The following TNC variants were observed in gnomAD, a reference collection of about 807,000 sequenced individuals.
TNC encodes tenascin.
A neutral mutation model predicts 202.4 loss-of-function variants in TNC; 109 were observed. That is an observed-to-expected ratio of 0.54 (90% confidence interval 0.46 to 0.63). TNC has a LOEUF of 0.63. Among genes scored for constraint, TNC ranks in the 30% least tolerant of loss-of-function variants. The pLI, the probability that TNC is intolerant of heterozygous loss-of-function variation, is 0.00. For missense variants in TNC, 2,756 were observed against 2,833.3 expected (o/e 0.97, Z 0.62); for synonymous variants, 1,007 against 1,089.7 (o/e 0.92, Z 1.50).
chr9:115,052,694 T>A, intron 15 of TNC: 1 of 662,288 alleles, frequency 1.5e-6, no homozygotes. Context: ...ATGACTTATC[T>A]CCTTTTCTCT....
chr9:115,068,808 G>A (rs549443707), intron 10 of TNC, among the ~76,000 whole-genome samples: 3 of 152,212 alleles, frequency 2.0e-5, no homozygotes, highest in East Asian at 1.9e-4. Context: ...CACTTGCCCA[G>A]CCCCTTTTCT....
chr9:115,052,632 G>C, intron 15 of TNC: 1 of 601,680 alleles, frequency 1.7e-6, no homozygotes, highest in African/African-American at 1.8e-5. Context: ...TTAAAAATAA[G>C]AGAGTACACA....
rs377332436 is a variant in TNC at position 115,084,374 on chromosome 9, A to G, written c.1966T>C (p.Tyr656His). 4 of 1,614,094 alleles carry G rather than the reference A, an allele frequency of 2.5e-6. No individual in the cohort carries two copies. In the African/African-American group the frequency reaches 5.3e-5, roughly 22 times the overall value. ...EMRVTEYLVV[Y>H]TPTHEGGLEM... ...AGACCACCCTCGTGGGTGGGCGTGTACACGACAAGGTACTCTGTGACCCGC... is the reference window on the plus strand; with the variant it reads ...AGACCACCCTCGTGGGTGGGCGTGTGCACGACAAGGTACTCTGTGACCCGC... The change falls in exon 4 of 28, where the codon TAC (tyrosine) becomes CAC (histidine). Residue 656 changes from tyrosine (Y) to histidine (H), a missense_variant. Transcript: ENST00000350763.
In TNC at chr9:115,063,835, C is replaced by A. The variant is rs1456236520; in HGVS notation, c.3721G>T (p.Asp1241Tyr). The change falls in exon 12 of 28, where the codon GAC (aspartate) becomes TAC (tyrosine). Residue 1241 changes from aspartate to tyrosine, a missense_variant. Asp to Tyr is a radical substitution (Grantham distance 160). Around this residue, in one of 2 missense-constraint regions of TNC, gnomAD observed 2,559 missense variants for 2,546.0 expected, o/e 1.01. Coordinates refer to ENST00000350763, the MANE Select transcript of TNC (RefSeq NM_002160.4). ...YTITIRGVTQ[D>Y]FSTTPLSVEV... is the part of the protein sequence containing the mutation. ...ACAGAGAGAGGGGTTGTGCTGAAGT[C>A]CTGAGTGACCCCGCGGATGGTGATG... 9.3e-6 allele frequency: 15 copies of A among 1,614,106 alleles called. No homozygotes were observed. Among genetic ancestry groups the A allele is most frequent in the Non-Finnish European group, 1.2e-5 (14 of 1,179,982 alleles).
chr9:115,095,784 A>G (rs1220650705), intron 1 of TNC, among the ~76,000 whole-genome samples: 4 of 148,542 alleles, frequency 2.7e-5, no homozygotes, highest in African/African-American at 7.4e-5. Context: ...ATGTAACATA[A>G]TATTACATAT....
In TNC at chr9:115,073,734, C is replaced by G. The variant is rs765715550; in HGVS notation, c.3083G>C (p.Gly1028Ala). 5 of 1,614,024 alleles carry G rather than the reference C, an allele frequency of 3.1e-6. No homozygotes were observed. Among genetic ancestry groups the G allele is most frequent in the Non-Finnish European group, 4.2e-6 (5 of 1,180,030 alleles). ...NYSLPTGQWV[G>A]VQLPRNTTSY... The stretch of plus-strand genomic sequence containing the variant: ...AGTGGTGTTTCTTGGAAGCTGCACT[C>G]CCACCCACTGGCCTGTGGGGAGACT... The change falls in exon 10 of 28, where the codon GGA (glycine) becomes GCA (alanine). Residue 1028 changes from glycine (G) to alanine (A), a missense_variant. Gly to Ala is a moderately conservative substitution (Grantham distance 60). Coordinates refer to ENST00000350763, the MANE Select transcript of TNC (RefSeq NM_002160.4).
intron 10 of TNC, among the ~76,000 whole-genome samples, chr9:115,065,714 C>T (rs1832897322): frequency 6.6e-6 from 1 of 151,884 alleles, no homozygotes; most frequent in Admixed American, 6.6e-5. Context: ...CCAGCCTGGA[C>T]AACATGGCGA....
In TNC at chr9:115,026,630, G is replaced by A. The variant is rs866729657; in HGVS notation, c.6235C>T (p.His2079Tyr). ...QYELRVDLRD[H>Y]GETAFAVYDK... Reference sequence around the variant, plus strand: ...TAGACAGCAAAGGCTGTCTCCCCATGGTCCCGCAGGTCCACCCGGAGCTCG... The same window carrying A: ...TAGACAGCAAAGGCTGTCTCCCCATAGTCCCGCAGGTCCACCCGGAGCTCG... The change falls in exon 26 of 28, where the codon CAT (histidine) becomes TAT (tyrosine). Residue 2079 changes from histidine to tyrosine, a missense_variant. Physicochemically the swap from His to Tyr is moderately conservative, Grantham distance 83 (BLOSUM62 2). Around this residue, in one of 2 missense-constraint regions of TNC, gnomAD observed 197 missense variants for 287.3 expected, o/e 0.69. Coordinates refer to ENST00000350763, the MANE Select transcript of TNC (RefSeq NM_002160.4). 6 of 1,613,886 alleles carry A rather than the reference G, an allele frequency of 3.7e-6. No homozygotes were observed. The highest frequency in any genetic ancestry group is 5.1e-6 in the Non-Finnish European group (6 of 1,179,972).
At position 115,035,446 on chromosome 9, in the gene TNC, G is replaced by A. The variant is rs978342270; in HGVS notation, c.5657-112C>T. 28 of 1,168,104 alleles carry A rather than the reference G, an allele frequency of 2.4e-5. No homozygotes were observed. The East Asian group carries it at 3.3e-4, about 14-fold the overall frequency. 72.4% of individuals were successfully genotyped at this position (1,168,104 alleles called of 1,614,324 possible). On this transcript the variant is annotated intron_variant, in intron 21 of 27. Transcript: ENST00000350763. ...AGTCCTTTCCCTACCACTGAACTAC[G>A]TGACCTTTGGCAAGAACTTCCTCTG...
At chr9:115,093,801 G>A (rs1835410393) in intron 1 of TNC, among the ~76,000 whole-genome samples, 2 of 152,220 alleles carry the variant, frequency 1.3e-5, no homozygotes, top group Admixed American at 1.3e-4. Context: ...TGTGAGTAGA[G>A]TGAGGATTTC....
At position 115,041,315 on chromosome 9, in the gene TNC, A is replaced by G. The variant is rs12352616; in HGVS notation, c.5249-231T>C. On this transcript the variant is annotated intron_variant, in intron 18 of 27. Transcript: ENST00000350763. ...AAAACAAAGCCAGGAGGGGCGGGGG[A>G]AAACATGAAGTCACAACGTACTAAA... Among the ~76,000 whole-genome samples the G allele has an allele frequency of 0.51, 59,628 of 117,926 alleles. 14,898 individuals carry two copies. The highest frequency in any genetic ancestry group is 0.54 in the African/African-American group (16,245 of 29,904). 77.4% of individuals were successfully genotyped at this position (117,926 alleles called of 152,430 possible).
Position 115,059,849 on chromosome 9 carries a change from G to A in TNC, c.4187C>T (p.Pro1396Leu). 1 of 1,614,114 alleles carries A rather than the reference G, an allele frequency of 6.2e-7. No homozygotes were observed. Among genetic ancestry groups the A allele is most frequent in the Non-Finnish European group, 8.5e-7 (1 of 1,180,016 alleles). ...GATGTCCACAGCCCTGAGGCTGCCAGGCAACGTGAGGTTCTGGGCTGCCTC... is the reference window on the plus strand; with the variant it reads ...GATGTCCACAGCCCTGAGGCTGCCAAGCAACGTGAGGTTCTGGGCTGCCTC... ...KVEAAQNLTL[P>L]GSLRAVDIPG... Residue 1396 changes from proline to leucine, a missense_variant, in exon 14 of 28, where the codon CCT becomes CTT. By Grantham distance (98) the Pro-to-Leu change is moderately conservative. Around this residue, in one of 2 missense-constraint regions of TNC, gnomAD observed 2,559 missense variants for 2,546.0 expected, o/e 1.01. Transcript: ENST00000350763.
chr9:115,084,976 A>T (rs554330265), intron 3 of TNC, among the ~76,000 whole-genome samples: 12 of 152,318 alleles, frequency 7.9e-5, no homozygotes, highest in Admixed American at 2.0e-4. Context: ...CTTTCCAACC[A>T]GGCTTCCCTG....
chr9:115,083,794 AG>A lies in TNC; in HGVS notation c.2131+414del, dbSNP rs1482081652. 2.6e-5 allele frequency among the ~76,000 whole-genome samples: 4 copies of A among 152,148 alleles called. No individual in the cohort carries two copies. The East Asian group carries it at 5.8e-4, about 22-fold the overall frequency. On this transcript the variant is annotated intron_variant, in intron 4 of 27. Coordinates refer to ENST00000350763, the MANE Select transcript of TNC (RefSeq NM_002160.4). Reference sequence around the variant, plus strand: ...TAATTTTTGTATTTTTAGTAGAGACAGGGTTTCGCCATGCTGGCCAGGCTGG... The same window carrying A: ...TAATTTTTGTATTTTTAGTAGAGACAGGTTTCGCCATGCTGGCCAGGCTGG...
At chr9:115,057,577 A>G in intron 14 of TNC, 152 bp from the exon 15 acceptor site, 2 of 870,934 alleles carry the variant, frequency 2.3e-6, no homozygotes, top group South Asian at 3.6e-5. Flanking sequence ...GTTACCAATT[A>G]GTGCCAAAGG....
At position 115,026,636 on chromosome 9, in the gene TNC, G is replaced by T. The variant is rs146817666; in HGVS notation, c.6229C>A (p.Arg2077=). The change falls in exon 26 of 28, where the codon CGG becomes AGG. Residue 2077 remains arginine, a synonymous_variant. Transcript: ENST00000350763. ...QGQYELRVDL[R]DHGETAFAVY... ...GCAAAGGCTGTCTCCCCATGGTCCC[G>T]CAGGTCCACCCGGAGCTCGTACTGC... is the stretch of plus-strand genomic sequence containing the variant. 2 of 1,613,748 alleles carry T rather than the reference G, an allele frequency of 1.2e-6. No homozygotes were observed. The highest frequency in any genetic ancestry group is 2.7e-5 in the African/African-American group (2 of 74,850).
intron 1 of TNC, among the ~76,000 whole-genome samples, chr9:115,096,480 G>A (rs1203373636): frequency 1.3e-5 from 2 of 152,158 alleles, no homozygotes; most frequent in Non-Finnish European, 2.9e-5. Context: ...CTGGTTTAGA[G>A]GATTGCTTGT....
chr9:115,025,670 T>C (rs1829422125), intron 26 of TNC, among the ~76,000 whole-genome samples: 1 of 152,204 alleles, frequency 6.6e-6, no homozygotes, highest in Non-Finnish European at 1.5e-5. Flanking sequence ...TCTGAACTTC[T>C]TTCCTCCTCT....
intron 15 of TNC, among the ~76,000 whole-genome samples, chr9:115,053,418 T>C (rs1831859425): frequency 1.3e-5 from 2 of 152,194 alleles, no homozygotes; most frequent in African/African-American, 4.8e-5. Context: ...GACAGCTTTA[T>C]GATTAAGTAT....
Sources: gnomAD v4.1 joint callset for allele counts (sites outside exome capture counted in the v4.1 genomes callset) on GRCh38, gnomAD v4.1.1 for gene constraint, gnomAD v4.1.1 regional missense constraint, MANE v1.5 for transcripts, NCBI Gene and HGNC (gene_info 2026-07-23, HGNC 2026-07-21) for gene names.